USHBP1: variants seen among roughly 807,000 people sequenced by gnomAD.
USHBP1 encodes the protein harmonin-binding protein USHBP1.
A neutral mutation model predicts 76.2 loss-of-function variants in USHBP1; 67 were observed. That is an observed-to-expected ratio of 0.88 (90% CI 0.72 to 1.08). The LOEUF is 1.08. Among genes scored for constraint, USHBP1 ranks in the 50% least tolerant of loss-of-function variants. USHBP1 has a pLI of 0.00. For synonymous variants in USHBP1, 322 were observed against 362.2 expected (o/e 0.89, Z 1.26); for missense variants, 931 against 915.0 (o/e 1.02, Z -0.23).
intron 1 of USHBP1, 37 bp downstream of exon 1, chr19:17,264,634 C>G: frequency 2.7e-6 from 1 of 365,396 alleles, no homozygotes; most frequent in Non-Finnish European, 5.0e-6. Context: ...CCCTCTCCTC[C>G]CCGGCCCTCC....
At chr19:17,262,217 C>A (rs1323304213) in intron 4 of USHBP1, among the ~76,000 whole-genome samples, 3 of 151,836 alleles carry the variant, frequency 2.0e-5, no homozygotes, top group Non-Finnish European at 4.4e-5. Flanking sequence ...GTTGGCCAAG[C>A]TGGCCTTGAA....
At chr19:17,256,964 G>A (rs990723236) in intron 8 of USHBP1, among the ~76,000 whole-genome samples, 4 of 151,794 alleles carry the variant, frequency 2.6e-5, no homozygotes, top group African/African-American at 9.7e-5. Context: ...TGAGGTGGGA[G>A]GATTGCTTGA....
At chr19:17,256,850 G>A in intron 8 of USHBP1, 130 bp from the exon 9 acceptor site, 2 of 1,367,530 alleles carry the variant, frequency 1.5e-6, no homozygotes, top group Non-Finnish European at 2.0e-6. Flanking sequence ...ATCTTTGGTG[G>A]TCCCTGTCAC....
chr19:17,263,885 C>G, intron 3 of USHBP1, 117 bp downstream of exon 3: 1 of 1,343,688 alleles, frequency 7.4e-7, no homozygotes, highest in Non-Finnish European at 9.8e-7. Flanking sequence ...GAAAGTCAGG[C>G]TGAAGGCAAT....
chr19:17,258,599 C>T, intron 7 of USHBP1: 1 of 486,540 alleles, frequency 2.1e-6, no homozygotes, highest in South Asian at 2.2e-5. Flanking sequence ...GTTCCAGCTA[C>T]TCAGGAGGCT....
intron 4 of USHBP1, among the ~76,000 whole-genome samples, chr19:17,261,512 T>C (rs2073689079): frequency 6.6e-6 from 1 of 151,446 alleles, no homozygotes; most frequent in Admixed American, 6.6e-5. Context: ...TTTTTTGTAT[T>C]TTTAGTAGAG....
At chr19:17,252,190 AT>A (rs1191983844) in intron 10 of USHBP1, among the ~76,000 whole-genome samples, 173 bp from the exon 11 acceptor site, 1 of 152,066 alleles carries the variant, frequency 6.6e-6, no homozygotes, top group East Asian at 1.9e-4. Context: ...GAAATATCCT[AT>A]TTAATTAAAA....
chr19:17,259,192 G>A, intron 7 of USHBP1, 97 bp downstream of exon 7: 1 of 1,480,918 alleles, frequency 6.8e-7, no homozygotes, highest in Non-Finnish European at 9.0e-7. Context: ...TCTGAAGTGG[G>A]GAAGGTGCTC....
chr19:17,251,554 G>T, intron 12 of USHBP1, 28 bp downstream of exon 12: 1 of 1,612,598 alleles, frequency 6.2e-7, no homozygotes, highest in Non-Finnish European at 8.5e-7. Flanking sequence ...GGTGCCAGGG[G>T]GATTGGGGGG....
In USHBP1 at chr19:17,262,558, C is replaced by G; in HGVS notation, c.636G>C (p.Gln212His). ...EAIRAEKETL[Q>H]KEVQELQDSL... ...TCAGGATGGCCCCACTCACCTCTTT[C>G]TGCAGCGTCTCCTTCTCAGCTCGGA... The change falls in exon 4 of 13, where the codon CAG becomes CAC. Residue 212 changes from glutamine to histidine, a missense_variant. Gln to His is a conservative substitution (Grantham distance 24, BLOSUM62 0). Transcript: ENST00000252597. 6.2e-7 allele frequency: 1 copy of G among 1,603,214 alleles called. No homozygotes were observed. The highest frequency in any genetic ancestry group is 8.5e-7 in the Non-Finnish European group (1 of 1,173,038).
At chr19:17,252,568 A>G (rs1162704211) in intron 10 of USHBP1, among the ~76,000 whole-genome samples, 1 of 152,094 alleles carries the variant, frequency 6.6e-6, no homozygotes, top group African/African-American at 2.4e-5. Context: ...CTCTACTAAA[A>G]ATATAAAAAT....
chr19:17,251,463 C>G, intron 12 of USHBP1, 119 bp downstream of exon 12: 1 of 1,397,052 alleles, frequency 7.2e-7, no homozygotes, highest in African/African-American at 1.4e-5. Context: ...CACACCTGAC[C>G]GTTACTGCCT....
intron 1 of USHBP1, 159 bp from the exon 2 acceptor site, chr19:17,264,506 G>A (rs1350068641): frequency 1.2e-5 from 7 of 593,124 alleles, no homozygotes. Context: ...TGGACAGGGA[G>A]CTCACTACCT....
At chr19:17,257,642 C>CAAAAAA (rs778148447) in intron 8 of USHBP1, among the ~76,000 whole-genome samples, 1 of 39,572 alleles carries the variant, frequency 2.5e-5, no homozygotes, top group Non-Finnish European at 5.0e-5. Flanking sequence ...AACTCTGTCT[C>CAAAAAA]AAAAAAAAAA....
Position 17,250,133 on chromosome 19 carries a change from C to A in USHBP1, c.*92G>T. 1 of 1,445,372 alleles carries A rather than the reference C, an allele frequency of 6.9e-7. No individual in the cohort carries two copies. Among genetic ancestry groups the A allele is most frequent in the Non-Finnish European group, 9.3e-7 (1 of 1,078,518 alleles). 89.5% of individuals were successfully genotyped at this position (1,445,372 alleles called of 1,614,324 possible). ...CTCACGCCAAATGTGCCCCAACATG[C>A]CAAATCATGCAACATGACATGATGT... On this transcript the variant is annotated 3_prime_UTR_variant, in exon 13 of 13. Coordinates refer to ENST00000252597, the MANE Select transcript of USHBP1 (RefSeq NM_031941.4).
rs768625891 is a variant in USHBP1, at chr19:17,256,514, C to T, written c.1427G>A (p.Arg476Gln). 10 of 1,613,768 alleles carry T rather than the reference C, an allele frequency of 6.2e-6. No individual in the cohort carries two copies. Among genetic ancestry groups the T allele is most frequent in the South Asian group, 2.2e-5 (2 of 91,062 alleles). ...LGTQAGPALP[R>Q]LEKTQIQQDL... ...CTGCTGAATTTGTGTCTTCTCCAGTCGGGGAAGAGCTGGGCCAGCCTGGGT... is the reference window on the plus strand; with the variant it reads ...CTGCTGAATTTGTGTCTTCTCCAGTTGGGGAAGAGCTGGGCCAGCCTGGGT... The change falls in exon 9 of 13, where the codon CGA (arginine) becomes CAA (glutamine). Residue 476 changes from arginine to glutamine, a missense_variant. Arg to Gln is a conservative substitution (Grantham distance 43). Transcript: ENST00000252597.
At chr19:17,262,114 CT>C (rs879861511) in intron 4 of USHBP1, among the ~76,000 whole-genome samples, 59 of 151,416 alleles carry the variant, frequency 3.9e-4, no homozygotes, top group African/African-American at 1.4e-3. Flanking sequence ...GATTCTCCTG[CT>C]TCAGCCTCCT....
intron 10 of USHBP1, among the ~76,000 whole-genome samples, chr19:17,253,030 G>A (rs1393067807): frequency 6.6e-6 from 1 of 151,786 alleles, no homozygotes; most frequent in African/African-American, 2.4e-5. Context: ...GTGCACTGGC[G>A]TGATCTCAGC....
chr19:17,263,050 T>C lies in USHBP1; in HGVS notation c.204-60A>G, dbSNP rs868258876. ...ATGCTGGGCAAGGAATTCTTTTTTA[T>C]TTTTTGAGACGGAGTCTCACTCTGT... On this transcript the variant is annotated intron_variant, in intron 3 of 12. Coordinates refer to ENST00000252597, the MANE Select transcript of USHBP1 (RefSeq NM_031941.4). The C allele has an allele frequency of 2.7e-6, 4 of 1,479,470 alleles. No homozygotes were observed. In the African/African-American group the frequency reaches 4.2e-5, roughly 16 times the overall value. The allele number at this position is 1,479,470 out of a possible 1,614,324, so 91.6% of individuals were successfully genotyped here.
Sources: gnomAD v4.1 joint callset for allele counts (sites outside exome capture counted in the v4.1 genomes callset) on GRCh38, gnomAD v4.1.1 for gene constraint, MANE v1.5 for transcripts, NCBI Gene and HGNC (gene_info 2026-07-23, HGNC 2026-07-21) for gene names.